NBPF6: variants seen among roughly 807,000 people sequenced by gnomAD.
NBPF6 encodes the protein NBPF member 6.
A neutral mutation model predicts 20.8 loss-of-function variants in NBPF6; 2 were observed. The observed-to-expected ratio is 0.10, with a 90% confidence interval of 0.04 to 0.30. The LOEUF is 0.30. NBPF6 is among the 10% of genes least tolerant of loss of function. NBPF6 has a pLI of 1.00. For missense variants in NBPF6, 85 were observed against 260.3 expected (o/e 0.33, Z 4.63); for synonymous variants, 24 against 100.0 (o/e 0.24, Z 4.53).
In NBPF6 at chr1:108,468,089, A is replaced by G. The variant is rs997317406; in HGVS notation, c.1875+424A>G. On this transcript the variant is annotated intron_variant, in intron 14 of 14. Coordinates refer to ENST00000495380, the MANE Select transcript of NBPF6 (RefSeq NM_001143988.2). Reference sequence around the variant, plus strand: ...GCTTTAATACGTCATTTACACGAAGATTTTCCTCTTGAGTCTTCTTTTGAG... The same window carrying G: ...GCTTTAATACGTCATTTACACGAAGGTTTTCCTCTTGAGTCTTCTTTTGAG... Among the ~76,000 whole-genome samples the G allele has an allele frequency of 1.3e-5, 2 of 151,236 alleles. 1 individual carries two copies. The highest frequency in any genetic ancestry group is 3.0e-5 in the Non-Finnish European group (2 of 67,796).
chr1:108,467,756 T>C lies in NBPF6; in HGVS notation c.1875+91T>C, dbSNP rs1008321673. On this transcript the variant is annotated intron_variant, in intron 14 of 14. Coordinates refer to ENST00000495380, the MANE Select transcript of NBPF6 (RefSeq NM_001143988.2). Reference sequence around the variant, plus strand: ...TCTCTCACTGCTTTTTCTCTCCCATTTGTTCTCTCCAACAGCTGCTCTAAC... The same window carrying C: ...TCTCTCACTGCTTTTTCTCTCCCATCTGTTCTCTCCAACAGCTGCTCTAAC... 16 of 1,442,426 alleles carry C rather than the reference T, an allele frequency of 1.1e-5. No individual in the cohort carries two copies. In the East Asian group the frequency reaches 3.9e-4, roughly 35 times the overall value. 89.4% of individuals were successfully genotyped at this position (1,442,426 alleles called of 1,614,324 possible).
rs1311761433 is a variant in NBPF6, at chr1:108,465,334, T to A, written c.1570T>A (p.Cys524Ser). The A allele has an allele frequency of 3.8e-5, 42 of 1,106,386 alleles. 14 individuals are homozygous for A. Among genetic ancestry groups the A allele is most frequent in the Admixed American group, 1.0e-4 (4 of 39,294 alleles). The allele number at this position is 1,106,386 out of a possible 1,614,324, so 68.5% of individuals were successfully genotyped here. Residue 524 changes from cysteine (C) to serine (S), a missense_variant, in exon 13 of 15, where the codon TGT becomes AGT. Physicochemically the swap from Cys to Ser is moderately radical, Grantham distance 112 (BLOSUM62 -1). Around this residue, in one of 5 missense-constraint regions of NBPF6, gnomAD observed 43 missense variants for 97.3 expected, o/e 0.44. Coordinates refer to ENST00000495380, the MANE Select transcript of NBPF6 (RefSeq NM_001143988.2). The part of the protein sequence containing the change: ...LRLQLDQGFH[C>S]GNGLAQRGLS... ...ACTACAGCTGGATCAAGGGTTCCACTGTGGGAACGGCTTGGCCCAGCGGGG... is the reference window on the plus strand; with the variant it reads ...ACTACAGCTGGATCAAGGGTTCCACAGTGGGAACGGCTTGGCCCAGCGGGG...
At chr1:108,428,245 A>T in the NBPF6 span, among the ~76,000 whole-genome samples, 5 of 18,934 alleles carry the variant, frequency 2.6e-4, no homozygotes, top group African/African-American at 3.5e-4. Context: ...CAGCTCCTAG[A>T]TTTGTTGATT....
chr1:108,460,266 GCA>G (rs1247250521), intron 10 of NBPF6, among the ~76,000 whole-genome samples, 164 bp downstream of exon 10: 11 of 18,524 alleles, frequency 5.9e-4, no homozygotes, highest in Non-Finnish European at 8.4e-4. Context: ...CAAGTTGGAA[GCA>G]CAGACAGGGG....
At chr1:108,453,006 G>GTA (rs1365241339) in intron 3 of NBPF6, among the ~76,000 whole-genome samples, 175 bp from the exon 4 acceptor site, 28 of 62,622 alleles carry the variant, frequency 4.5e-4, no homozygotes, top group African/African-American at 1.6e-3. Flanking sequence ...GTGTGTGTGT[G>GTA]TGTATATATA....
chr1:108,428,291 T>C, the NBPF6 span, among the ~76,000 whole-genome samples: 1 of 23,820 alleles, frequency 4.2e-5, no homozygotes, highest in African/African-American at 7.4e-5. Context: ...TCTCCTTCAG[T>C]TTCACTTTGA....
At chr1:108,449,422 A>C (rs1453002544), upstream of NBPF6, among the ~76,000 whole-genome samples, 117 of 4,350 alleles carry the variant, frequency 0.027, 1 homozygote, top group African/African-American at 0.058. Context: ...ACAACTATAT[A>C]TATATATATA....
rs368090196 is a variant in NBPF6, at chr1:108,470,617, G to A, written c.1896G>A (p.Arg632=). The A allele has an allele frequency of 1.3e-6, 2 of 1,555,068 alleles. No individual in the cohort carries two copies. The highest frequency in any genetic ancestry group is 1.7e-6 in the Non-Finnish European group (2 of 1,148,804). Reference sequence around the variant, plus strand: ...TACAGATACCAAATACTGCTGAAAGGATGCAAAGGATGATAGGATGAAAGA... The same window carrying A: ...TACAGATACCAAATACTGCTGAAAGAATGCAAAGGATGATAGGATGAAAGA... ...ESAEIPNTAE[R]MQRMIG is the part of the protein sequence containing the mutation. Residue 632 remains arginine, a synonymous_variant, in exon 15 of 15, where the codon AGG becomes AGA. Transcript: ENST00000495380.
At chr1:108,435,942 T>C in the NBPF6 span, among the ~76,000 whole-genome samples, 15 of 98,730 alleles carry the variant, frequency 1.5e-4, no homozygotes, top group Non-Finnish European at 3.7e-4. Context: ...TTTTATGTAA[T>C]TCCAATGCAC....
chr1:108,465,561 G>A, intron 13 of NBPF6, 137 bp downstream of exon 13: 1 of 369,234 alleles, frequency 2.7e-6, no homozygotes, highest in Non-Finnish European at 4.8e-6. Context: ...AACCCAGTGA[G>A]GTGAGCAAAG....
At chr1:108,436,592 C>CAAA in the NBPF6 span, among the ~76,000 whole-genome samples, 3 of 16,342 alleles carry the variant, frequency 1.8e-4, no homozygotes, top group Admixed American at 7.6e-4. Flanking sequence ...GGCTCTGTCT[C>CAAA]AAAAAAAAAA....
chr1:108,453,007 T>TGTG (rs1399413160), intron 3 of NBPF6, among the ~76,000 whole-genome samples, 174 bp from the exon 4 acceptor site: 1 of 63,716 alleles, frequency 1.6e-5, no homozygotes, highest in Non-Finnish European at 3.8e-5. Flanking sequence ...TGTGTGTGTG[T>TGTG]GTATATATAT....
chr1:108,467,788 C>G, intron 14 of NBPF6, 123 bp downstream of exon 14: 1 of 1,029,472 alleles, frequency 9.7e-7, no homozygotes, highest in East Asian at 2.6e-5. Flanking sequence ...TAACCTCTGT[C>G]TGGTCTTAGC....
the NBPF6 span, among the ~76,000 whole-genome samples, chr1:108,437,453 TA>T: frequency 2.4e-5 from 2 of 81,982 alleles, 1 homozygote; most frequent in Non-Finnish European, 5.8e-5. Flanking sequence ...TAAATGCCTA[TA>T]TTGGCTGGGC....
chr1:108,429,616 T>C, the NBPF6 span, among the ~76,000 whole-genome samples: 1 of 148,488 alleles, frequency 6.7e-6, no homozygotes, highest in South Asian at 2.2e-4. Context: ...TTGTTCAATT[T>C]CCATGTAGTC....
upstream of NBPF6, among the ~76,000 whole-genome samples, chr1:108,448,027 G>A (rs913652662): frequency 4.3e-4 from 63 of 145,848 alleles, no homozygotes; most frequent in African/African-American, 1.5e-3. Flanking sequence ...AGAGCTAAGA[G>A]TAAAATCTTC....
rs559862383 is a variant in NBPF6, at chr1:108,471,796, G to C, written c.*1158G>C. ...TAAATCACTTTAATTAAATTTTTTT[G>C]CCTATCACCCTGGACTAGTGAATTT... On this transcript the variant is annotated 3_prime_UTR_variant, in exon 15 of 15. Coordinates refer to ENST00000495380, the MANE Select transcript of NBPF6 (RefSeq NM_001143988.2). Among the ~76,000 whole-genome samples the C allele has an allele frequency of 2.0e-5, 3 of 151,998 alleles. No homozygotes were observed. The highest frequency in any genetic ancestry group is 7.2e-5 in the African/African-American group (3 of 41,484).
intron 14 of NBPF6, among the ~76,000 whole-genome samples, chr1:108,469,937 G>A (rs1164901990): frequency 7.0e-5 from 9 of 127,710 alleles, no homozygotes; most frequent in African/African-American, 2.7e-4. Context: ...TGACTGTTGA[G>A]ACCTCCAGAT....
At position 108,452,116 on chromosome 1, in the gene NBPF6, G is replaced by A. The variant is rs1262997963; in HGVS notation, c.179-74G>A. On this transcript the variant is annotated intron_variant, in intron 2 of 14. Coordinates refer to ENST00000495380, the MANE Select transcript of NBPF6 (RefSeq NM_001143988.2). ...TTTCGTCCTTGGGATGGATGCTGCC[G>A]CCTGCCCTATAGACACTGACCCCAG... 7.0e-5 allele frequency: 13 copies of A among 184,676 alleles called. 1 individual carries two copies. The highest frequency in any genetic ancestry group is 1.9e-4 in the Admixed American group (2 of 10,776). The allele number at this position is 184,676 out of a possible 1,614,324, so 11.4% of individuals were successfully genotyped here.
Sources: gnomAD v4.1 joint callset for allele counts (sites outside exome capture counted in the v4.1 genomes callset) on GRCh38, gnomAD v4.1.1 for gene constraint, gnomAD v4.1.1 regional missense constraint, MANE v1.5 for transcripts, NCBI Gene and HGNC (gene_info 2026-07-23, HGNC 2026-07-21) for gene names.